The following MITF variants were observed in gnomAD, a reference collection of about 807,000 sequenced individuals.
The protein encoded by MITF is melanocyte inducing transcription factor.
A neutral mutation model predicts 60.5 loss-of-function variants in MITF; 17 were observed. That is an observed-to-expected ratio of 0.28 (90% CI 0.19 to 0.42). The LOEUF is 0.42. Among genes scored for constraint, MITF ranks in the 10% least tolerant of loss-of-function variants. MITF has a pLI of 1.00. For missense variants in MITF, 622 were observed against 683.5 expected (o/e 0.91, Z 1.00); for synonymous variants, 260 against 248.5 (o/e 1.05, Z -0.43).
At chr3:69,815,101 A>G (rs920664935) in intron 1 of MITF, among the ~76,000 whole-genome samples, 6 of 152,160 alleles carry the variant, frequency 3.9e-5, no homozygotes, top group African/African-American at 1.4e-4. Flanking sequence ...ACAAAAACAA[A>G]TGTTTACCAT....
rs116064373 is a variant in MITF at position 69,770,426 on chromosome 3, G to A, written c.104+30725G>A. Among the ~76,000 whole-genome samples, 548 of 152,214 alleles carry A rather than the reference G, an allele frequency of 3.6e-3. 3 individuals carry two copies. Among genetic ancestry groups the A allele is most frequent in the South Asian group, 0.017 (82 of 4,810 alleles). ...TAGGTTGGTCCCTGTGGTTGACCTG[G>A]TTTTCCAAGTAGGAAAATAAACACT... On this transcript the variant is annotated intron_variant, in intron 1 of 9. Transcript: ENST00000352241.
chr3:69,866,132 G>A, intron 1 of MITF: 1 of 1,394,182 alleles, frequency 7.2e-7, no homozygotes, highest in Non-Finnish European at 9.5e-7. Context: ...GTCTGCTGTT[G>A]CAGACAGAAA....
rs2107275990 is a variant in MITF, at chr3:69,879,165, C to G, written c.136C>G (p.Pro46Ala). ...SSAEHPGASK[P>A]PISSSSMTSR... is the part of the protein sequence containing the mutation. Reference sequence around the variant, plus strand: ...CGCCGAGCATCCTGGGGCCTCCAAGCCTCCGATAAGCTCCTCCAGTATGAC... The same window carrying G: ...CGCCGAGCATCCTGGGGCCTCCAAGGCTCCGATAAGCTCCTCCAGTATGAC... The change falls in exon 2 of 10, where the codon CCT becomes GCT. Residue 46 changes from proline to alanine, a missense_variant. Around this residue, in one of 5 missense-constraint regions of MITF, gnomAD observed 149 missense variants for 157.8 expected, o/e 0.94. Transcript: ENST00000352241. The G allele has an allele frequency of 6.2e-7, 1 of 1,614,234 alleles. No homozygotes were observed. Among genetic ancestry groups the G allele is most frequent in the Non-Finnish European group, 8.5e-7 (1 of 1,180,048 alleles).
chr3:69,815,053 C>T (rs754873548), intron 1 of MITF, among the ~76,000 whole-genome samples: 20 of 152,116 alleles, frequency 1.3e-4, no homozygotes, highest in Non-Finnish European at 2.6e-4. Flanking sequence ...AAAACAGATG[C>T]TAACCATAAA....
intron 1 of MITF, among the ~76,000 whole-genome samples, chr3:69,777,548 T>C (rs1315530543): frequency 6.6e-6 from 1 of 152,190 alleles, no homozygotes; most frequent in African/African-American, 2.4e-5. Context: ...CCTGAAGTCC[T>C]CTGTGTTTTA....
At chr3:69,911,770 A>G (rs1299986135) in intron 2 of MITF, among the ~76,000 whole-genome samples, 2 of 152,216 alleles carry the variant, frequency 1.3e-5, no homozygotes, top group African/African-American at 2.4e-5. Flanking sequence ...GAGCCTGATA[A>G]TGGTATGTTT....
At chr3:69,941,194 T>G (rs2065960328) in intron 4 of MITF, 42 bp from the exon 5 acceptor site, 1 of 1,324,562 alleles carries the variant, frequency 7.5e-7, no homozygotes, top group South Asian at 1.2e-5. Flanking sequence ...GTTGCATAGT[T>G]TATTTATTTT....
chr3:69,878,535 C>T (rs900215734), intron 1 of MITF, among the ~76,000 whole-genome samples: 1 of 152,122 alleles, frequency 6.6e-6, no homozygotes, highest in African/African-American at 2.4e-5. Context: ...GTCTTCTGCC[C>T]CCTTACCCAA....
chr3:69,882,681 A>G (rs2107290285), intron 2 of MITF, among the ~76,000 whole-genome samples: 1 of 152,308 alleles, frequency 6.6e-6, no homozygotes, highest in Middle Eastern at 3.4e-3. Context: ...TTTTTCAAAC[A>G]AAAACAGAGT....
At chr3:69,868,542 G>T (rs1040970880) in intron 1 of MITF, among the ~76,000 whole-genome samples, 1 of 152,096 alleles carries the variant, frequency 6.6e-6, no homozygotes, top group Non-Finnish European at 1.5e-5. Flanking sequence ...GGCCGTGTTT[G>T]GTCCTGATGC....
intron 1 of MITF, among the ~76,000 whole-genome samples, chr3:69,834,473 T>G (rs62252224): frequency 0.5 from 76,002 of 151,918 alleles, 20,702 homozygotes; most frequent in Non-Finnish European, 0.63. Flanking sequence ...TAGCCTCCAG[T>G]TTCATCCATG....
At chr3:69,875,259 T>G (rs974573652) in intron 1 of MITF, among the ~76,000 whole-genome samples, 9 of 152,186 alleles carry the variant, frequency 5.9e-5, no homozygotes, top group Admixed American at 2.0e-4. Flanking sequence ...TGCCGATACA[T>G]GCCAGTAAAG....
rs1221801939 is a variant in MITF at position 69,965,680 on chromosome 3, A to G, written c.*432A>G. ...AAAAAAAAAAGAAAGAAAGAGGAAA[A>G]GAAATCCATACTAACCCTTTTCCAT... On this transcript the variant is annotated 3_prime_UTR_variant, in exon 10 of 10. Coordinates refer to ENST00000352241, the MANE Select transcript of MITF (RefSeq NM_001354604.2). 2 of 254,514 alleles carry G rather than the reference A, an allele frequency of 7.9e-6. No individual in the cohort carries two copies. The highest frequency in any genetic ancestry group is 4.4e-5 in the African/African-American group (2 of 45,484). 15.8% of individuals were successfully genotyped at this position (254,514 alleles called of 1,614,324 possible). A position where few individuals can be genotyped will look rare whatever the true frequency, so the allele number is the denominator to read the frequency against.
rs75957455 is a variant in MITF at position 69,802,290 on chromosome 3, G to A, written c.104+62589G>A. On this transcript the variant is annotated intron_variant, in intron 1 of 9. Transcript: ENST00000352241. ...GGACAGCCTCTGCAACAATGATCCA[G>A]CCCCAAATGTCAATCGTGCCAAGGC... 1.2e-3 allele frequency among the ~76,000 whole-genome samples: 188 copies of A among 152,244 alleles called. No homozygotes were observed. The East Asian group carries it at 0.028, about 22-fold the overall frequency.
At chr3:69,893,730 AT>A (rs2064811164) in intron 2 of MITF, among the ~76,000 whole-genome samples, 1 of 152,196 alleles carries the variant, frequency 6.6e-6, no homozygotes, top group African/African-American at 2.4e-5. Flanking sequence ...CTTTTAATCA[AT>A]TACTGTTGAA....
chr3:69,753,800 C>T (rs550786185), intron 1 of MITF, among the ~76,000 whole-genome samples: 1 of 152,278 alleles, frequency 6.6e-6, no homozygotes, highest in African/African-American at 2.4e-5. Context: ...GAAAATTTAC[C>T]CAATTCCTAT....
intron 1 of MITF, among the ~76,000 whole-genome samples, chr3:69,795,017 T>C (rs1179065239): frequency 6.6e-6 from 1 of 152,178 alleles, no homozygotes; most frequent in Non-Finnish European, 1.5e-5. Flanking sequence ...ATGGTGGGCA[T>C]TTGGGTTCTT....
At chr3:69,786,682 C>A (rs1173999573) in intron 1 of MITF, among the ~76,000 whole-genome samples, 1 of 151,904 alleles carries the variant, frequency 6.6e-6, no homozygotes, top group Non-Finnish European at 1.5e-5. Flanking sequence ...GACGTGTTTG[C>A]TTGTATGGGC....
intron 2 of MITF, among the ~76,000 whole-genome samples, chr3:69,935,509 C>T (rs2065813274): frequency 1.3e-5 from 2 of 151,758 alleles, no homozygotes; most frequent in African/African-American, 4.9e-5. Context: ...ATTATCATGT[C>T]TGGACCCTTT....
Sources: allele counts gnomAD v4.1 joint callset (sites outside exome capture counted in the v4.1 genomes callset), GRCh38; gene constraint gnomAD v4.1.1; regional missense constraint gnomAD v4.1.1; transcripts MANE v1.5; gene names NCBI Gene and HGNC (gene_info 2026-07-23, HGNC 2026-07-21).